The following NBAS variants were observed in gnomAD, a reference collection of about 807,000 sequenced individuals.
NBAS encodes the protein NBAS subunit of NRZ tethering complex, also known as NAG/BC035112 fusion.
In NBAS, 219 loss-of-function variants were observed where a neutral mutation model predicts 302.5. That is an observed-to-expected ratio of 0.72 (90% CI 0.65 to 0.81). The LOEUF (loss-of-function observed/expected upper bound fraction) is 0.81, where lower values mean the gene tolerates loss of function less well. NBAS is among the 30% of genes least tolerant of loss of function. The pLI is 0.00. For synonymous variants in NBAS, 1,118 were observed against 1,021.6 expected, an observed-to-expected ratio of 1.09 and a Z score of -1.80; for missense variants, 2,932 against 2,841.6, an observed-to-expected ratio of 1.03 and a Z score of -0.72.
chr2:14,973,963 G>A, the NBAS span, among the ~76,000 whole-genome samples: 980 of 152,062 alleles, frequency 6.4e-3, 8 homozygotes, highest in Non-Finnish European at 6.9e-3. Context: ...CATCTATACC[G>A]TACAAATCAT....
chr2:15,553,859 CCTCCCTCTCTCCCTCT>C (rs1253233908), intron 4 of NBAS, among the ~76,000 whole-genome samples, 186 bp downstream of exon 4: 2 of 95,740 alleles, frequency 2.1e-5, no homozygotes, highest in Non-Finnish European at 4.7e-5. Context: ...TCTCTCCCTC[CCTCCCTCTCTCCCTCT>C]CTCTCTCCCT....
chr2:14,995,420 T>C, the NBAS span, among the ~76,000 whole-genome samples: 3 of 152,182 alleles, frequency 2.0e-5, no homozygotes, highest in Admixed American at 6.5e-5. Context: ...CCCCTGGAGA[T>C]TGTGAGAAGC....
the NBAS span, among the ~76,000 whole-genome samples, chr2:15,022,935 G>GT: frequency 6.7e-5 from 10 of 150,142 alleles, no homozygotes; most frequent in Non-Finnish European, 1.0e-4. Flanking sequence ...TTCCTATTTA[G>GT]TTTTTTTTTA....
At chr2:15,224,461 A>C (rs1667076195) in intron 47 of NBAS, among the ~76,000 whole-genome samples, 1 of 152,250 alleles carries the variant, frequency 6.6e-6, no homozygotes, top group African/African-American at 2.4e-5. Context: ...ATAGAATTTG[A>C]ATCAAACCTG....
At position 15,437,715 on chromosome 2, in the gene NBAS, A is replaced by G. The variant is rs191110187; in HGVS notation, c.2340-9921T>C. ...ACTGTCAATATAGATTTTTAACTACATAACATTCATTCATTCCACAAACCT... is the reference window on the plus strand; with the variant it reads ...ACTGTCAATATAGATTTTTAACTACGTAACATTCATTCATTCCACAAACCT... On this transcript the variant is annotated intron_variant, in intron 21 of 51. Transcript: ENST00000281513. 6.1e-3 allele frequency among the ~76,000 whole-genome samples: 929 copies of G among 152,354 alleles called. 4 individuals carry two copies. Among genetic ancestry groups the G allele is most frequent in the Non-Finnish European group, 0.01 (698 of 68,034 alleles).
intron 21 of NBAS, among the ~76,000 whole-genome samples, chr2:15,456,497 T>A (rs1679252407): frequency 6.6e-6 from 1 of 152,228 alleles, no homozygotes; most frequent in Non-Finnish European, 1.5e-5. Flanking sequence ...GCTACTGGTT[T>A]GTACTAGGCA....
chr2:15,077,997 T>C, the NBAS span, among the ~76,000 whole-genome samples: 1 of 152,302 alleles, frequency 6.6e-6, no homozygotes. Context: ...AGGCTTCTTC[T>C]AAGAAGGAGG....
chr2:15,547,475 T>C (rs1234009421), intron 6 of NBAS, among the ~76,000 whole-genome samples: 1 of 152,216 alleles, frequency 6.6e-6, no homozygotes, highest in African/African-American at 2.4e-5. Context: ...CAAAGCATTA[T>C]TTTCTTATCC....
the NBAS span, among the ~76,000 whole-genome samples, chr2:14,824,926 G>A: frequency 2.0e-5 from 3 of 152,166 alleles, no homozygotes; most frequent in African/African-American, 7.2e-5. Flanking sequence ...GGAGCTGCAA[G>A]CAAAACCTTT....
chr2:15,145,074 C>T, the NBAS span, among the ~76,000 whole-genome samples: 1 of 152,074 alleles, frequency 6.6e-6, no homozygotes, highest in Non-Finnish European at 1.5e-5. Flanking sequence ...ACCCTCAATC[C>T]AATTTTTAAT....
At chr2:15,019,542 A>G in the NBAS span, among the ~76,000 whole-genome samples, 1 of 152,150 alleles carries the variant, frequency 6.6e-6, no homozygotes, top group Non-Finnish European at 1.5e-5. Context: ...TTATGAGGTA[A>G]TCATGTGGTC....
chr2:15,049,261 T>C, the NBAS span, among the ~76,000 whole-genome samples: 2 of 152,318 alleles, frequency 1.3e-5, no homozygotes, highest in East Asian at 3.9e-4. Flanking sequence ...GTTCCTGGAC[T>C]CCCTGAGTCA....
At chr2:15,244,701 T>C (rs1668011873) in intron 44 of NBAS, among the ~76,000 whole-genome samples, 1 of 152,066 alleles carries the variant, frequency 6.6e-6, no homozygotes, top group African/African-American at 2.4e-5. Context: ...TACTGAGTAT[T>C]ATGCCAACTT....
intron 44 of NBAS, among the ~76,000 whole-genome samples, chr2:15,249,500 A>C (rs989154258): frequency 6.6e-6 from 1 of 152,198 alleles, no homozygotes; most frequent in Non-Finnish European, 1.5e-5. Flanking sequence ...AAGTGTATTC[A>C]ATTAGGAAAA....
chr2:15,235,132 C>T (rs1003122212), intron 45 of NBAS, among the ~76,000 whole-genome samples: 1 of 152,160 alleles, frequency 6.6e-6, no homozygotes, highest in Non-Finnish European at 1.5e-5. Flanking sequence ...ATTACTAACG[C>T]ACTACGACCA....
At chr2:14,951,955 T>C in the NBAS span, among the ~76,000 whole-genome samples, 10 of 152,178 alleles carry the variant, frequency 6.6e-5, no homozygotes, top group African/African-American at 2.4e-4. Context: ...TGGAATCCAG[T>C]TGGGTGGAAA....
chr2:15,459,731 G>A (rs984886657), intron 21 of NBAS, among the ~76,000 whole-genome samples: 8 of 151,952 alleles, frequency 5.3e-5, no homozygotes, highest in African/African-American at 1.5e-4. Context: ...CACCCACCTC[G>A]GCCTCCCAAA....
At chr2:15,202,151 G>C (rs745583567) in intron 48 of NBAS, among the ~76,000 whole-genome samples, 4 of 152,132 alleles carry the variant, frequency 2.6e-5, no homozygotes, top group Non-Finnish European at 5.9e-5. Flanking sequence ...TGAAAGAACA[G>C]GAATGTAGGC....
intron 9 of NBAS, among the ~76,000 whole-genome samples, chr2:15,529,038 G>C (rs1022294112): frequency 6.6e-6 from 1 of 151,674 alleles, no homozygotes; most frequent in Non-Finnish European, 1.5e-5. Context: ...CAATAAATAA[G>C]AGAGTCATGG....
Sources: allele counts gnomAD v4.1 joint callset (sites outside exome capture counted in the v4.1 genomes callset), GRCh38; gene constraint gnomAD v4.1.1; transcripts MANE v1.5; gene names NCBI Gene and HGNC (gene_info 2026-07-23, HGNC 2026-07-21).